The following CD101 variants were observed in gnomAD, a reference collection of about 807,000 sequenced individuals.
CD101 encodes CD101 molecule.
A neutral mutation model predicts 98.2 loss-of-function variants in CD101; 76 were observed. That is an observed-to-expected ratio of 0.77 (90% CI 0.64 to 0.94). The LOEUF is 0.94. Among genes scored for constraint, CD101 ranks in the 40% least tolerant of loss-of-function variants. The pLI is 0.00. For synonymous variants in CD101, 471 were observed against 472.7 expected, an observed-to-expected ratio of 1.00 and a Z score of 0.05; for missense variants, 1,145 against 1,218.8, an observed-to-expected ratio of 0.94 and a Z score of 0.90.
intron 5 of CD101, among the ~76,000 whole-genome samples, 157 bp from the exon 6 acceptor site, chr1:117,017,999 G>T (rs1300351818): frequency 6.6e-6 from 1 of 152,200 alleles, no homozygotes; most frequent in African/African-American, 2.4e-5. Context: ...GTTCAGGACA[G>T]ACTGTACTGG....
intron 1 of CD101, among the ~76,000 whole-genome samples, chr1:117,008,510 T>G (rs1166028191): frequency 6.6e-6 from 1 of 152,086 alleles, no homozygotes; most frequent in African/African-American, 2.4e-5. Flanking sequence ...GGCTGACTAG[T>G]TGGTTGGGCA....
Position 117,033,788 on chromosome 1 carries a change from A to C in CD101, c.2825-72A>C. The C allele has an allele frequency of 6.3e-7, 1 of 1,593,402 alleles. No individual in the cohort carries two copies. On this transcript the variant is annotated intron_variant, in intron 8 of 9. Transcript: ENST00000682167. The surrounding 1 kb of genome is among the most constrained non-coding windows in gnomAD (Gnocchi z 4.8). ...ATACTTGCCTATAACAATAAATCCC[A>C]GGAGTGTTTGTAATTGACTAGTACA...
chr1:117,002,735 C>T (rs1282975537), intron 1 of CD101, among the ~76,000 whole-genome samples: 2 of 152,072 alleles, frequency 1.3e-5, no homozygotes, highest in Non-Finnish European at 2.9e-5. Flanking sequence ...CTTATTTATG[C>T]ATTACATAAC....
In CD101 at chr1:117,012,582, A is replaced by T. The variant is rs957305270; in HGVS notation, c.841+616A>T. On this transcript the variant is annotated intron_variant, in intron 3 of 9. Transcript: ENST00000682167. This position sits in a 1 kb window ranked among gnomAD's most constrained non-coding sequence, Gnocchi z 4.0. ...TTTTTTATTATTTTTTTAATTTTTA[A>T]ATTTTTTTAAGGACAGGATCTTGCT... 3.3e-5 allele frequency among the ~76,000 whole-genome samples: 5 copies of T among 151,976 alleles called. No individual in the cohort carries two copies. Among genetic ancestry groups the T allele is most frequent in the Admixed American group, 6.6e-5 (1 of 15,258 alleles).
intron 7 of CD101, among the ~76,000 whole-genome samples, chr1:117,024,570 T>C (rs1653787576): frequency 6.6e-6 from 1 of 152,246 alleles, no homozygotes; most frequent in Non-Finnish European, 1.5e-5. Flanking sequence ...CTATAATTTC[T>C]TTATTTTGTT....
Position 117,005,488 on chromosome 1 carries a change from G to GCAGC in CD101, c.43+3630_43+3633dup. On this transcript the variant is annotated intron_variant, in intron 1 of 9. Transcript: ENST00000682167. The surrounding 1 kb of genome is among the most constrained non-coding windows in gnomAD (Gnocchi z 4.4). ...TGCCTTCAGAGTCCCCAACCTCTTG[G>GCAGC]CAGCCTTTGGCAGTGCTGACAAGCC... 6.6e-6 allele frequency among the ~76,000 whole-genome samples: 1 copy of GCAGC among 152,112 alleles called. No homozygotes were observed. The highest frequency in any genetic ancestry group is 1.9e-4 in the East Asian group (1 of 5,190).
At chr1:117,034,586 C>T (rs1368328217) in intron 9 of CD101, among the ~76,000 whole-genome samples, 3 of 152,146 alleles carry the variant, frequency 2.0e-5, no homozygotes, top group Admixed American at 2.0e-4. Flanking sequence ...AAAATCTGTC[C>T]CCACAACAAG....
chr1:117,029,409 A>G (rs1654300811), intron 8 of CD101, among the ~76,000 whole-genome samples: 2 of 152,266 alleles, frequency 1.3e-5, no homozygotes, highest in South Asian at 2.1e-4. Context: ...TGCATGCACC[A>G]TCTCCTTCCT....
In CD101 at chr1:117,005,018, G is replaced by A. The variant is rs1392616046; in HGVS notation, c.43+3158G>A. On this transcript the variant is annotated intron_variant, in intron 1 of 9. Coordinates refer to ENST00000682167, the MANE Select transcript of CD101 (RefSeq NM_001256106.3). This position sits in a 1 kb window ranked among gnomAD's most constrained non-coding sequence, Gnocchi z 4.4. ...TCCTCACGTGGCAGAAGGGGCTAGC[G>A]AGCTTCCTGGACTCTTTTACAAGGG... 1.3e-5 allele frequency among the ~76,000 whole-genome samples: 2 copies of A among 152,048 alleles called. No homozygotes were observed. The highest frequency in any genetic ancestry group is 1.5e-5 in the Non-Finnish European group (1 of 68,010).
chr1:117,013,366 T>C, intron 3 of CD101, 40 bp from the exon 4 acceptor site: 1 of 1,566,164 alleles, frequency 6.4e-7, no homozygotes, highest in Non-Finnish European at 8.7e-7. Flanking sequence ...GGACAGAGGC[T>C]GTGGGCTCTC....
chr1:117,026,919 T>A (rs908489446), intron 8 of CD101: 2 of 152,124 alleles, frequency 1.3e-5, no homozygotes, highest in Non-Finnish European at 2.9e-5. Flanking sequence ...CCTTCTGGGC[T>A]CCTCCACCTG....
At chr1:117,024,259 C>T (rs1363111888) in intron 7 of CD101, among the ~76,000 whole-genome samples, 4 of 152,086 alleles carry the variant, frequency 2.6e-5, no homozygotes, top group South Asian at 4.1e-4. Context: ...GGCGGATCAC[C>T]TGAGGTCAGG....
At chr1:117,003,294 C>T (rs1354043649) in intron 1 of CD101, among the ~76,000 whole-genome samples, 2 of 152,194 alleles carry the variant, frequency 1.3e-5, no homozygotes, top group African/African-American at 4.8e-5. Flanking sequence ...AAGAATACAG[C>T]ATTCAGCACA....
chr1:117,013,773 G>A lies in CD101; in HGVS notation c.1209G>A (p.Val403=). Residue 403 remains valine (V), a synonymous_variant, in exon 4 of 10, where the codon GTG becomes GTA. Coordinates refer to ENST00000682167, the MANE Select transcript of CD101 (RefSeq NM_001256106.3). The part of the protein sequence containing the change: ...LQRKQSPDSH[V]HLRKPAARSV... The stretch of plus-strand genomic sequence containing the variant: ...GAAAGCAGTCACCAGACAGCCACGT[G>A]CACCTGAGGAAGCCAGCAGGTACGT... 6.2e-7 allele frequency: 1 copy of A among 1,612,000 alleles called. No individual in the cohort carries two copies. The highest frequency in any genetic ancestry group is 8.5e-7 in the Non-Finnish European group (1 of 1,179,384).
intron 7 of CD101, among the ~76,000 whole-genome samples, chr1:117,024,081 T>C (rs1184458710): frequency 6.6e-6 from 1 of 152,228 alleles, no homozygotes; most frequent in East Asian, 1.9e-4. Flanking sequence ...TTCCATGTGC[T>C]AATATTCCAC....
chr1:117,029,983 T>C (rs771413716), intron 8 of CD101, among the ~76,000 whole-genome samples: 5 of 152,246 alleles, frequency 3.3e-5, no homozygotes, highest in Non-Finnish European at 5.9e-5. Context: ...AAATGTCTTA[T>C]TCTAGAGAAT....
In CD101 at chr1:117,004,029, G is replaced by A. The variant is rs1359061484; in HGVS notation, c.43+2169G>A. ...CTGAACAATCCTGATAGAAAATGGT[G>A]CCATATGAGATTAATGTCATGGGTA... On this transcript the variant is annotated intron_variant, in intron 1 of 9. Coordinates refer to ENST00000682167, the MANE Select transcript of CD101 (RefSeq NM_001256106.3). The surrounding 1 kb of genome is among the most constrained non-coding windows in gnomAD (Gnocchi z 4.1). Among the ~76,000 whole-genome samples, 5 of 152,054 alleles carry A rather than the reference G, an allele frequency of 3.3e-5. No homozygotes were observed. In the East Asian group the frequency reaches 9.6e-4, roughly 29 times the overall value.
In CD101 at chr1:117,021,046, A is replaced by G. The variant is rs1386704457; in HGVS notation, c.2018-527A>G. The stretch of plus-strand genomic sequence containing the variant: ...CACACAGTTTTAATCACTCATGTAC[A>G]ACTTCCTTTTGTTTACCCACGTTTG... On this transcript the variant is annotated intron_variant, in intron 6 of 9. Transcript: ENST00000682167. This position sits in a 1 kb window ranked among gnomAD's most constrained non-coding sequence, Gnocchi z 4.7. Among the ~76,000 whole-genome samples the G allele has an allele frequency of 6.6e-6, 1 of 152,214 alleles. No individual in the cohort carries two copies. Among genetic ancestry groups the G allele is most frequent in the African/African-American group, 2.4e-5 (1 of 41,458 alleles).
In CD101 at chr1:117,018,542, A is replaced by G. The variant is rs901856315; in HGVS notation, c.1999A>G (p.Ile667Val). ...RASAISHPLRIAVTLPESKLK... is the reference protein window; with the variant it reads ...RASAISHPLRVAVTLPESKLK... ...TTCTGCCATCTCTCACCCACTGAGG[A>G]TAGCCGTCACTTTACCAGGTAAGTG... Residue 667 changes from isoleucine (I) to valine (V), a missense_variant, in exon 6 of 10, where the codon ATA becomes GTA. Coordinates refer to ENST00000682167, the MANE Select transcript of CD101 (RefSeq NM_001256106.3). This position sits in a 1 kb window ranked among gnomAD's most constrained non-coding sequence, Gnocchi z 4.3. The G allele has an allele frequency of 6.3e-7, 1 of 1,596,590 alleles. No homozygotes were observed. Among genetic ancestry groups the G allele is most frequent in the South Asian group, 1.1e-5 (1 of 89,474 alleles).
Sources: allele counts gnomAD v4.1 joint callset (sites outside exome capture counted in the v4.1 genomes callset), GRCh38; gene constraint gnomAD v4.1.1; non-coding constraint Gnocchi (gnomAD v3.1); transcripts MANE v1.5; gene names NCBI Gene and HGNC (gene_info 2026-07-23, HGNC 2026-07-21).